The following LRRTM3 variants were observed in gnomAD, a reference collection of about 807,000 sequenced individuals.
LRRTM3 encodes the protein leucine-rich repeat transmembrane neuronal protein 3.
In LRRTM3, 24 loss-of-function variants were observed where a neutral mutation model predicts 44.7. That is an observed-to-expected ratio of 0.54 (90% CI 0.39 to 0.76). The LOEUF is 0.76. Ranked by LOEUF, LRRTM3 falls within the 30% of genes least tolerant of loss-of-function variation. The pLI is 0.00. For synonymous variants in LRRTM3, 277 were observed against 278.7 expected, an observed-to-expected ratio of 0.99 and a Z score of 0.06; for missense variants, 587 against 702.2, an observed-to-expected ratio of 0.84 and a Z score of 1.85.
At chr10:66,949,363 C>A (rs1018268014) in intron 2 of LRRTM3, among the ~76,000 whole-genome samples, 3 of 152,038 alleles carry the variant, frequency 2.0e-5, no homozygotes, top group African/African-American at 7.2e-5. Flanking sequence ...TGGAGACCAG[C>A]CTGACCAACA....
intron 2 of LRRTM3, among the ~76,000 whole-genome samples, chr10:67,027,294 G>C (rs954444190): frequency 5.9e-5 from 9 of 152,098 alleles, no homozygotes; most frequent in Non-Finnish European, 1.3e-4. Context: ...TCCCCTCGTG[G>C]AACTCACTGA....
chr10:67,026,657 A>T (rs539504503), intron 2 of LRRTM3, among the ~76,000 whole-genome samples: 51 of 152,276 alleles, frequency 3.3e-4, no homozygotes, highest in Non-Finnish European at 6.8e-4. Context: ...CCCTGGGAGG[A>T]AACCAATTTC....
chr10:66,998,783 T>C (rs1851513603), intron 2 of LRRTM3, among the ~76,000 whole-genome samples: 1 of 152,158 alleles, frequency 6.6e-6, no homozygotes, highest in Non-Finnish European at 1.5e-5. Flanking sequence ...ACTTTTCTTA[T>C]AACTGATACA....
At chr10:67,076,425 C>T (rs1478029101) in intron 2 of LRRTM3, among the ~76,000 whole-genome samples, 3 of 152,172 alleles carry the variant, frequency 2.0e-5, no homozygotes, top group Non-Finnish European at 4.4e-5. Flanking sequence ...GCATCATAAT[C>T]CACAATCACA....
At chr10:67,073,781 G>A (rs1856590581) in intron 2 of LRRTM3, among the ~76,000 whole-genome samples, 1 of 152,084 alleles carries the variant, frequency 6.6e-6, no homozygotes, top group South Asian at 2.1e-4. Context: ...AAATTCTCAT[G>A]AAAAATGCTA....
chr10:67,080,722 A>T (rs1857004709), intron 2 of LRRTM3, among the ~76,000 whole-genome samples: 1 of 152,014 alleles, frequency 6.6e-6, no homozygotes, highest in South Asian at 2.1e-4. Flanking sequence ...ATCCTGGCTA[A>T]CACAGTGAAA....
In LRRTM3 at chr10:67,038,362, A is replaced by G. The variant is rs142088672; in HGVS notation, c.1537-59225A>G. On this transcript the variant is annotated intron_variant, in intron 2 of 2. Coordinates refer to ENST00000361320, the MANE Select transcript of LRRTM3 (RefSeq NM_178011.5). ...TAGTTTACTTAAGTCACTATATGTC[A>G]ATTAATATCATTTATGAGGAAAGAA... Among the ~76,000 whole-genome samples the G allele has an allele frequency of 3.5e-3, 535 of 152,196 alleles. 6 individuals carry two copies. Among genetic ancestry groups the G allele is most frequent in the African/African-American group, 0.013 (523 of 41,568 alleles).
intron 2 of LRRTM3, among the ~76,000 whole-genome samples, chr10:66,929,368 T>A (rs549755453): frequency 2.6e-5 from 4 of 152,272 alleles, no homozygotes; most frequent in African/African-American, 9.6e-5. Flanking sequence ...TACCAGAATT[T>A]CTCTTTCCAG....
chr10:67,038,232 G>C (rs1564847249), intron 2 of LRRTM3, among the ~76,000 whole-genome samples: 2 of 151,958 alleles, frequency 1.3e-5, no homozygotes, highest in Non-Finnish European at 2.9e-5. Context: ...TGTTGTTGTT[G>C]ATTAGCCATT....
chr10:66,986,893 C>T (rs1344857348), intron 2 of LRRTM3, among the ~76,000 whole-genome samples: 3 of 152,068 alleles, frequency 2.0e-5, no homozygotes, highest in African/African-American at 7.2e-5. Context: ...TACAGAAGTG[C>T]ACCAAATAGC....
chr10:67,059,138 G>A lies in LRRTM3; in HGVS notation c.1537-38449G>A, dbSNP rs145763204. Among the ~76,000 whole-genome samples, 7 of 152,210 alleles carry A rather than the reference G, an allele frequency of 4.6e-5. No homozygotes were observed. In the East Asian group the frequency reaches 1.4e-3, roughly 29 times the overall value. On this transcript the variant is annotated intron_variant, in intron 2 of 2. Transcript: ENST00000361320. Reference sequence around the variant, plus strand: ...TCATAATTATCTTGGTCTCCATGCAGTCTAATTTCAGAGTTCTAGTAACAA... The same window carrying A: ...TCATAATTATCTTGGTCTCCATGCAATCTAATTTCAGAGTTCTAGTAACAA...
Position 67,099,325 on chromosome 10 carries a change from T to A in LRRTM3, c.*1529T>A, listed in dbSNP as rs1266285397. 6.6e-6 allele frequency: 1 copy of A among 151,708 alleles called. No homozygotes were observed. 9.4% of individuals were successfully genotyped at this position (151,708 alleles called of 1,614,324 possible). On this transcript the variant is annotated 3_prime_UTR_variant, in exon 3 of 3. Coordinates refer to ENST00000361320, the MANE Select transcript of LRRTM3 (RefSeq NM_178011.5). ...TATCAATAGTAATCATGCATTCTTG[T>A]GTTTTTTTTTAATGGAAAACTGCAA...
At chr10:66,943,314 T>G (rs1208410491) in intron 2 of LRRTM3, among the ~76,000 whole-genome samples, 1 of 152,186 alleles carries the variant, frequency 6.6e-6, no homozygotes, top group Non-Finnish European at 1.5e-5. Flanking sequence ...TTAATGACTT[T>G]GAAGTGTTAA....
At chr10:67,021,590 T>G (rs1853019413) in intron 2 of LRRTM3, among the ~76,000 whole-genome samples, 1 of 152,050 alleles carries the variant, frequency 6.6e-6, no homozygotes. Flanking sequence ...GAAAGTTATG[T>G]AGTGATATGA....
At chr10:66,965,549 G>GGA (rs545719721) in intron 2 of LRRTM3, among the ~76,000 whole-genome samples, 1 of 120,240 alleles carries the variant, frequency 8.3e-6, no homozygotes, top group African/African-American at 3.4e-5. Flanking sequence ...AGAAAGAAAA[G>GGA]AAAAAAAAAA....
chr10:66,999,414 T>A (rs539074623), intron 2 of LRRTM3, among the ~76,000 whole-genome samples: 1 of 152,296 alleles, frequency 6.6e-6, no homozygotes, highest in Non-Finnish European at 1.5e-5. Context: ...AAGCATCTAA[T>A]AATTAAATTA....
intron 2 of LRRTM3, among the ~76,000 whole-genome samples, chr10:66,935,746 G>C (rs1199050614): frequency 2.6e-5 from 4 of 151,644 alleles, no homozygotes; most frequent in Non-Finnish European, 4.4e-5. Context: ...CTAATGATTT[G>C]ATAAAAAGTG....
intron 2 of LRRTM3, among the ~76,000 whole-genome samples, chr10:66,999,047 T>G (rs1376390700): frequency 1.3e-5 from 2 of 152,104 alleles, no homozygotes; most frequent in Non-Finnish European, 2.9e-5. Context: ...ATTTTAGTTA[T>G]AAAGAAAACG....
chr10:67,067,894 T>C (rs547290068), intron 2 of LRRTM3, among the ~76,000 whole-genome samples: 212 of 152,318 alleles, frequency 1.4e-3, no homozygotes, highest in Non-Finnish European at 2.8e-3. Context: ...ACAGGGTCCA[T>C]TGGCAACACA....
Sources: allele counts gnomAD v4.1 joint callset (sites outside exome capture counted in the v4.1 genomes callset), GRCh38; gene constraint gnomAD v4.1.1; transcripts MANE v1.5; gene names NCBI Gene and HGNC (gene_info 2026-07-23, HGNC 2026-07-21).